The following SGCZ variants were observed in gnomAD, a reference collection of about 807,000 sequenced individuals.
SGCZ encodes the protein zeta-sarcoglycan.
SGCZ carries 40 observed loss-of-function variants against 41.3 expected under a neutral mutation model. That is an observed-to-expected ratio of 0.97 (90% confidence interval 0.75 to 1.26). The LOEUF (loss-of-function observed/expected upper bound fraction) is 1.26, where lower values mean the gene tolerates loss of function less well. Ranked by LOEUF, SGCZ falls within the 50% of genes most tolerant of loss-of-function variation. SGCZ has a pLI of 0.00. For missense variants in SGCZ, 552 were observed against 369.8 expected (o/e 1.49, Z -4.04); for synonymous variants, 206 against 137.5 (o/e 1.50, Z -3.49).
At chr8:14,195,343 AAGTG>A (rs1333846113) in intron 4 of SGCZ, among the ~76,000 whole-genome samples, 3 of 152,108 alleles carry the variant, frequency 2.0e-5, no homozygotes, top group Non-Finnish European at 4.4e-5. Flanking sequence ...CTGAAAATAT[AAGTG>A]AACTCAGTCC....
chr8:14,118,595 G>C (rs561687072), intron 5 of SGCZ, among the ~76,000 whole-genome samples: 2 of 152,222 alleles, frequency 1.3e-5, no homozygotes, highest in East Asian at 1.9e-4. Flanking sequence ...TTTGGCTTTT[G>C]TTGCCATTGC....
intron 1 of SGCZ, among the ~76,000 whole-genome samples, chr8:14,616,898 A>G (rs1455958535): frequency 6.6e-6 from 1 of 152,166 alleles, no homozygotes; most frequent in African/African-American, 2.4e-5. Context: ...ATTTAGTTGG[A>G]AAGTTACAGC....
intron 2 of SGCZ, among the ~76,000 whole-genome samples, chr8:14,531,571 A>C (rs1448480501): frequency 6.6e-6 from 1 of 152,112 alleles, no homozygotes; most frequent in Non-Finnish European, 1.5e-5. Flanking sequence ...AGAAGTTTCC[A>C]AAAATGTAAG....
chr8:14,288,431 C>A, intron 3 of SGCZ, among the ~76,000 whole-genome samples: 1 of 152,086 alleles, frequency 6.6e-6, no homozygotes, highest in Non-Finnish European at 1.5e-5. Context: ...ATCCATCACT[C>A]CCCATGTCTC....
chr8:14,154,051 A>C (rs1227399073), intron 5 of SGCZ, among the ~76,000 whole-genome samples: 1 of 152,118 alleles, frequency 6.6e-6, no homozygotes, highest in Non-Finnish European at 1.5e-5. Flanking sequence ...CCTGATCTCG[A>C]ACTTCTAGCC....
chr8:14,193,599 A>G (rs1027942107), intron 4 of SGCZ, among the ~76,000 whole-genome samples: 5 of 152,086 alleles, frequency 3.3e-5, no homozygotes, highest in African/African-American at 1.2e-4. Context: ...TGCACATTAA[A>G]ATTGTATTCT....
At chr8:14,389,288 A>C (rs61494519) in intron 2 of SGCZ, among the ~76,000 whole-genome samples, 1 of 151,790 alleles carries the variant, frequency 6.6e-6, no homozygotes, top group East Asian at 1.9e-4. Flanking sequence ...AGGAGAAAAT[A>C]GAAGAAAAGT....
intron 3 of SGCZ, among the ~76,000 whole-genome samples, chr8:14,295,054 C>A (rs1352196816): frequency 4.6e-5 from 7 of 152,036 alleles, no homozygotes; most frequent in Non-Finnish European, 1.0e-4. Flanking sequence ...TCCTATGTGA[C>A]CCAGCATTCT....
At chr8:15,185,010 T>C (rs1468317178) in intron 1 of SGCZ, among the ~76,000 whole-genome samples, 4 of 152,178 alleles carry the variant, frequency 2.6e-5, no homozygotes, top group Non-Finnish European at 5.9e-5. Context: ...GCTCTCTTCA[T>C]CTCCCAGGTT....
At chr8:15,058,327 T>C (rs144504384) in intron 1 of SGCZ, among the ~76,000 whole-genome samples, 1,580 of 152,212 alleles carry the variant, frequency 0.01, 33 homozygotes, top group African/African-American at 0.036. Context: ...ATGCCACTCA[T>C]GGGGTGAAAA....
intron 2 of SGCZ, among the ~76,000 whole-genome samples, chr8:14,490,870 T>G (rs578061330): frequency 4.6e-5 from 7 of 152,318 alleles, no homozygotes; most frequent in African/African-American, 1.7e-4. Context: ...AAAAGTGGAA[T>G]TAGAAGCTCA....
intron 1 of SGCZ, among the ~76,000 whole-genome samples, chr8:15,015,585 G>A (rs189079793): frequency 3.3e-5 from 5 of 151,154 alleles, no homozygotes; most frequent in Admixed American, 3.3e-4. Flanking sequence ...TACCCGGAGA[G>A]GCTGAGGCAG....
intron 3 of SGCZ, among the ~76,000 whole-genome samples, chr8:14,314,048 T>A (rs1254266613): frequency 6.6e-6 from 1 of 152,098 alleles, no homozygotes; most frequent in African/African-American, 2.4e-5. Flanking sequence ...ATCTTCATTT[T>A]TTTGTAAGGC....
intron 2 of SGCZ, among the ~76,000 whole-genome samples, chr8:14,476,368 G>C (rs2116991893): frequency 6.6e-6 from 1 of 152,096 alleles, no homozygotes; most frequent in Non-Finnish European, 1.5e-5. Context: ...ATGAATATGA[G>C]CTGATTCCCA....
intron 1 of SGCZ, among the ~76,000 whole-genome samples, chr8:14,838,790 G>A (rs776511452): frequency 7.2e-5 from 11 of 152,116 alleles, no homozygotes; most frequent in Non-Finnish European, 1.6e-4. Context: ...TCGTGGAGCT[G>A]CATCTGACTG....
In SGCZ at chr8:14,656,635, T is replaced by C. The variant is rs1005385147; in HGVS notation, c.40-101709A>G. On this transcript the variant is annotated intron_variant, in intron 1 of 7. Coordinates refer to ENST00000382080, the MANE Select transcript of SGCZ (RefSeq NM_139167.4). ...TCCTCTCTCTCTCTCTCTCCTCCCC[T>C]CTCCTTTCCTCTCCTTTCATTTCCC... 2.7e-5 allele frequency among the ~76,000 whole-genome samples: 4 copies of C among 149,616 alleles called. No individual in the cohort carries two copies. In the East Asian group the frequency reaches 8.0e-4, roughly 30 times the overall value.
chr8:15,024,725 A>G (rs1317870391), intron 1 of SGCZ, among the ~76,000 whole-genome samples: 1 of 152,086 alleles, frequency 6.6e-6, no homozygotes, highest in Non-Finnish European at 1.5e-5. Flanking sequence ...TCATGAGGTC[A>G]GGAGATCGAG....
intron 1 of SGCZ, among the ~76,000 whole-genome samples, chr8:14,563,207 G>A (rs1448042668): frequency 3.8e-4 from 58 of 152,104 alleles, no homozygotes; most frequent in Admixed American, 3.6e-3. Context: ...CAGTGTCTGA[G>A]ATTTAGGATA....
rs910848599 is a variant in SGCZ at position 14,547,646 on chromosome 8, T to A, written c.234+7086A>T. On this transcript the variant is annotated intron_variant, in intron 2 of 7. Transcript: ENST00000382080. ...TTAAAGAGCTTTTGTAAGTGTTCACTCACTTAATGCTTCGAATATCTCCAT... is the reference window on the plus strand; with the variant it reads ...TTAAAGAGCTTTTGTAAGTGTTCACACACTTAATGCTTCGAATATCTCCAT... Among the ~76,000 whole-genome samples, 3 of 152,296 alleles carry A rather than the reference T, an allele frequency of 2.0e-5. No individual in the cohort carries two copies. In the East Asian group the frequency reaches 5.8e-4, roughly 29 times the overall value.
Sources: allele counts gnomAD v4.1 joint callset (sites outside exome capture counted in the v4.1 genomes callset), GRCh38; gene constraint gnomAD v4.1.1; transcripts MANE v1.5; gene names NCBI Gene and HGNC (gene_info 2026-07-23, HGNC 2026-07-21).